Variants in METTL25 observed in about 807,000 individuals in gnomAD.
The protein encoded by METTL25 is probable methyltransferase-like protein 25.
In METTL25, 64 loss-of-function variants were observed where a neutral mutation model predicts 71.6. The ratio of observed to expected loss-of-function variants is 0.89; its 90% CI spans 0.73 to 1.10. The LOEUF is 1.10. METTL25 is among the 50% of genes least tolerant of loss of function. The pLI, the probability that METTL25 is intolerant of heterozygous loss-of-function variation, is 0.00. For missense variants in METTL25, 807 were observed against 707.0 expected, an observed-to-expected ratio of 1.14 and a Z score of -1.60; for synonymous variants, 287 against 250.3, an observed-to-expected ratio of 1.15 and a Z score of -1.38.
chr12:82,412,975 T>A (rs538000775), intron 5 of METTL25, among the ~76,000 whole-genome samples: 1 of 152,178 alleles, frequency 6.6e-6, no homozygotes, highest in South Asian at 2.1e-4. Flanking sequence ...AATAAAGTTT[T>A]AAAACAAATT....
At chr12:82,428,415 G>A (rs956633151) in intron 5 of METTL25, among the ~76,000 whole-genome samples, 1 of 151,738 alleles carries the variant, frequency 6.6e-6, no homozygotes, top group African/African-American at 2.4e-5. Flanking sequence ...TTTTTACAGC[G>A]AGATCTGTAT....
At chr12:82,441,055 A>C (rs1186542366) in intron 8 of METTL25, among the ~76,000 whole-genome samples, 2 of 152,062 alleles carry the variant, frequency 1.3e-5, no homozygotes, top group Non-Finnish European at 1.5e-5. Flanking sequence ...TGGTCTGGTG[A>C]GGACTTGGGA....
At chr12:82,446,044 G>A (rs933478847) in intron 8 of METTL25, among the ~76,000 whole-genome samples, 2 of 151,910 alleles carry the variant, frequency 1.3e-5, no homozygotes, top group East Asian at 1.9e-4. Context: ...CTATACTTAC[G>A]TCACATAAAA....
At chr12:82,444,025 AAAT>A (rs1890557145) in intron 8 of METTL25, among the ~76,000 whole-genome samples, 1 of 152,198 alleles carries the variant, frequency 6.6e-6, no homozygotes, top group Non-Finnish European at 1.5e-5. Flanking sequence ...TTATTCAAGG[AAAT>A]AATACAGAAA....
At chr12:82,454,991 T>G (rs1168872808) in intron 8 of METTL25, among the ~76,000 whole-genome samples, 2 of 151,838 alleles carry the variant, frequency 1.3e-5, no homozygotes, top group African/African-American at 4.8e-5. Context: ...CCTCTTTTAA[T>G]GAACAAGAAA....
At chr12:82,478,192 AG>A (rs1432575341) in intron 11 of METTL25, among the ~76,000 whole-genome samples, 3 of 151,858 alleles carry the variant, frequency 2.0e-5, no homozygotes, top group African/African-American at 7.2e-5. Context: ...TGATAAAATC[AG>A]TACCTATTTT....
chr12:82,464,210 C>T (rs377115787), intron 9 of METTL25, among the ~76,000 whole-genome samples: 2 of 151,868 alleles, frequency 1.3e-5, no homozygotes, highest in African/African-American at 2.4e-5. Flanking sequence ...AAGCATTTCC[C>T]CTATGTTTTC....
At chr12:82,462,475 A>G (rs1410919941) in intron 9 of METTL25, among the ~76,000 whole-genome samples, 1 of 152,074 alleles carries the variant, frequency 6.6e-6, no homozygotes, top group Non-Finnish European at 1.5e-5. Context: ...TAATGTTCTG[A>G]TCCTGGCTTA....
intron 5 of METTL25, among the ~76,000 whole-genome samples, chr12:82,428,039 G>C (rs927389706): frequency 6.6e-6 from 1 of 151,900 alleles, no homozygotes; most frequent in Admixed American, 6.6e-5. Context: ...TACTGCTCTT[G>C]TTTGCATGGT....
chr12:82,461,367 G>A (rs1422049920), intron 9 of METTL25, among the ~76,000 whole-genome samples: 1 of 152,134 alleles, frequency 6.6e-6, no homozygotes, highest in Non-Finnish European at 1.5e-5. Flanking sequence ...GAATACTAAG[G>A]ATGGCCTTAT....
At chr12:82,469,954 T>G (rs1000279924) in intron 9 of METTL25, among the ~76,000 whole-genome samples, 1 of 152,170 alleles carries the variant, frequency 6.6e-6, no homozygotes, top group Non-Finnish European at 1.5e-5. Context: ...TTCTCATTTT[T>G]TATGCTAAAA....
intron 1 of METTL25, 110 bp downstream of exon 1, chr12:82,358,934 CG>C: frequency 8.8e-7 from 1 of 1,142,510 alleles, no homozygotes; most frequent in Non-Finnish European, 1.2e-6. Flanking sequence ...GCGGCGGAGG[CG>C]GGGCGGCCCG....
chr12:82,438,616 A>G, intron 7 of METTL25, 102 bp from the exon 8 acceptor site: 3 of 616,954 alleles, frequency 4.9e-6, no homozygotes, highest in Middle Eastern at 7.3e-4. Flanking sequence ...GTGTTTAGCA[A>G]CAAAGGTTTC....
chr12:82,400,796 T>TA (rs770177583), intron 4 of METTL25, among the ~76,000 whole-genome samples: 39 of 152,060 alleles, frequency 2.6e-4, no homozygotes, highest in Non-Finnish European at 4.0e-4. Flanking sequence ...TCGCAATACT[T>TA]AAATATTTTA....
intron 8 of METTL25, among the ~76,000 whole-genome samples, chr12:82,454,415 G>A (rs372138640): frequency 6.6e-6 from 1 of 151,972 alleles, no homozygotes; most frequent in East Asian, 1.9e-4. Flanking sequence ...TTGTTGAGGA[G>A]GCAGTGTTAT....
intron 8 of METTL25, among the ~76,000 whole-genome samples, chr12:82,447,287 T>C (rs946739132): frequency 6.6e-6 from 1 of 152,208 alleles, no homozygotes; most frequent in Non-Finnish European, 1.5e-5. Flanking sequence ...CTAGAAACTT[T>C]TACAAGAATG....
At chr12:82,401,964 C>G (rs1886662019) in intron 4 of METTL25, among the ~76,000 whole-genome samples, 1 of 151,738 alleles carries the variant, frequency 6.6e-6, no homozygotes, top group Admixed American at 6.6e-5. Context: ...TTACAAGTTT[C>G]TTTTTACTCC....
intron 1 of METTL25, among the ~76,000 whole-genome samples, chr12:82,384,734 T>C (rs1884795547): frequency 1.3e-5 from 2 of 152,284 alleles, no homozygotes; most frequent in South Asian, 4.1e-4. Context: ...TTGGATTTTT[T>C]TCAAGTTTTT....
Position 82,358,775 on chromosome 12 carries a change from G to GGCCCT in METTL25, c.216_220dup (p.Ser74CysfsTer8), listed in dbSNP as rs757068977. The GGCCCT allele has an allele frequency of 6.2e-7, 1 of 1,613,926 alleles. No homozygotes were observed. The highest frequency in any genetic ancestry group is 2.2e-5 in the East Asian group (1 of 44,872). The stretch of plus-strand genomic sequence containing the variant: ...TGAGGAAGTCAGCGTCGGAGACGGA[G>GGCCCT]GCCCTGCCCTCAGAGACGCGCCCCC... On this transcript the variant is annotated frameshift_variant, in exon 1 of 12. Transcript: ENST00000248306. LOFTEE classifies it high-confidence loss of function.
Sources: allele counts gnomAD v4.1 joint callset (sites outside exome capture counted in the v4.1 genomes callset), GRCh38; gene constraint gnomAD v4.1.1; transcripts MANE v1.5; gene names NCBI Gene and HGNC (gene_info 2026-07-23, HGNC 2026-07-21).